The following ZC3H13 variants were observed in gnomAD, a reference collection of about 807,000 sequenced individuals.
ZC3H13 encodes the protein zinc finger CCCH-type containing 13, also known as zinc finger CCCH domain-containing protein 13.
ZC3H13 carries 64 observed loss-of-function variants against 204.1 expected under a neutral mutation model. The observed-to-expected ratio is 0.31, with a 90% CI of 0.26 to 0.39. The LOEUF (loss-of-function observed/expected upper bound fraction) is 0.39. ZC3H13 is among the 10% of genes least tolerant of loss of function. The probability of loss-of-function intolerance (pLI) is 1.00; values close to 1 mark genes in which losing one functional copy is unlikely to be tolerated. For synonymous variants in ZC3H13, 667 were observed against 693.7 expected, an observed-to-expected ratio of 0.96 and a Z score of 0.60; for missense variants, 1,833 against 2,082.7, an observed-to-expected ratio of 0.88 and a Z score of 2.33.
rs1311273130 is a variant in ZC3H13 at position 45,959,637 on chromosome 13, T to C, written c.4685A>G (p.Asn1562Ser). Residue 1562 changes from asparagine to serine, a missense_variant, in exon 18 of 19, where the codon AAT (asparagine) becomes AGT (serine). Physicochemically the swap from Asn to Ser is conservative, Grantham distance 46. Coordinates refer to ENST00000679008, the MANE Select transcript of ZC3H13 (RefSeq NM_001330564.2). ...RLLEKPKDAD[N>S]LFEHELGALN... The stretch of plus-strand genomic sequence containing the variant: ...AGCCCCCAATTCATGTTCAAAGAGA[T>C]TGTCTGCATCTTTCAAAAAAAAGTA... 3 of 1,525,092 alleles carry C rather than the reference T, an allele frequency of 2.0e-6. No individual in the cohort carries two copies. The highest frequency in any genetic ancestry group is 2.6e-6 in the Non-Finnish European group (3 of 1,137,224). The allele number at this position is 1,525,092 out of a possible 1,614,324, so 94.5% of individuals were successfully genotyped here.
chr13:46,009,678 A>T (rs553274339), intron 7 of ZC3H13, among the ~76,000 whole-genome samples: 22 of 152,242 alleles, frequency 1.4e-4, no homozygotes, highest in Non-Finnish European at 2.1e-4. Flanking sequence ...GAGTGACCTT[A>T]AATGAAAATG....
intron 16 of ZC3H13, among the ~76,000 whole-genome samples, chr13:45,964,405 T>A (rs964638112): frequency 3.9e-5 from 6 of 152,218 alleles, no homozygotes; most frequent in Non-Finnish European, 5.9e-5. Context: ...AGTACATGTG[T>A]TTGCAGTGTG....
chr13:46,009,768 G>A (rs1447841881), intron 7 of ZC3H13, among the ~76,000 whole-genome samples: 2 of 151,918 alleles, frequency 1.3e-5, no homozygotes, highest in African/African-American at 2.4e-5. Context: ...GTAATTCTAA[G>A]TTATAAAGAA....
At chr13:46,007,255 G>A (rs1046541855) in intron 7 of ZC3H13, among the ~76,000 whole-genome samples, 2 of 152,172 alleles carry the variant, frequency 1.3e-5, no homozygotes, top group African/African-American at 2.4e-5. Context: ...CCAAAGGAAC[G>A]TGAGTGGAAA....
intron 5 of ZC3H13, among the ~76,000 whole-genome samples, chr13:46,015,899 T>C (rs1308598753): frequency 1.3e-5 from 2 of 151,514 alleles, no homozygotes; most frequent in African/African-American, 4.9e-5. Context: ...AAAAATCTCA[T>C]ATCCAGAAAA....
Position 46,000,605 on chromosome 13 carries a change from C to T in ZC3H13, c.944+2534G>A, listed in dbSNP as rs566934124. Among the ~76,000 whole-genome samples the T allele has an allele frequency of 1.5e-3, 221 of 152,328 alleles. 3 individuals carry two copies. The South Asian group carries it at 0.044, about 30-fold the overall frequency. ...ATGTTGTGGCTGATTTCAACTGTGG[C>T]TGCTTTGATCTTTTATCCAGCCCAC... On this transcript the variant is annotated intron_variant, in intron 8 of 18. Coordinates refer to ENST00000679008, the MANE Select transcript of ZC3H13 (RefSeq NM_001330564.2).
rs1190015296 is a variant in ZC3H13, at chr13:46,040,673, A to T, written c.339+1491T>A. 3.9e-5 allele frequency among the ~76,000 whole-genome samples: 6 copies of T among 152,308 alleles called. No homozygotes were observed. In the South Asian group the frequency reaches 1.2e-3, roughly 32 times the overall value. On this transcript the variant is annotated intron_variant, in intron 4 of 18. Transcript: ENST00000679008. ...CATCAAGAATGTGATGATAACACACAGAATGGGAGAAAAGATCTGCAAGTT... is the reference window on the plus strand; with the variant it reads ...CATCAAGAATGTGATGATAACACACTGAATGGGAGAAAAGATCTGCAAGTT...
chr13:46,019,990 A>C (rs546804070), intron 5 of ZC3H13, among the ~76,000 whole-genome samples: 2 of 152,312 alleles, frequency 1.3e-5, no homozygotes, highest in South Asian at 4.1e-4. Context: ...ATTTTTTATT[A>C]ATAAATCCAG....
At chr13:46,029,595 A>AT (rs1222612299) in intron 4 of ZC3H13, among the ~76,000 whole-genome samples, 1 of 151,412 alleles carries the variant, frequency 6.6e-6, no homozygotes, top group Non-Finnish European at 1.5e-5. Flanking sequence ...CGCCCGGCTA[A>AT]TTTTTTGTAT....
chr13:46,008,183 CACT>C (rs1190463897), intron 7 of ZC3H13, among the ~76,000 whole-genome samples: 1 of 151,124 alleles, frequency 6.6e-6, no homozygotes, highest in East Asian at 1.9e-4. Context: ...TAAAATACTC[CACT>C]GAGTTTTAAC....
At chr13:45,970,486 C>A in intron 12 of ZC3H13, 21 bp from the exon 13 acceptor site, 1 of 1,601,244 alleles carries the variant, frequency 6.2e-7, no homozygotes, top group Non-Finnish European at 8.5e-7. Flanking sequence ...CAAGCAAACA[C>A]AATTTATAAA....
chr13:46,038,859 G>C (rs1004327204), intron 4 of ZC3H13, among the ~76,000 whole-genome samples: 2 of 152,008 alleles, frequency 1.3e-5, no homozygotes, highest in Non-Finnish European at 1.5e-5. Flanking sequence ...CATTTCTACT[G>C]AAGATACAAA....
intron 4 of ZC3H13, among the ~76,000 whole-genome samples, chr13:46,028,358 T>A (rs1261444406): frequency 6.6e-6 from 1 of 152,062 alleles, no homozygotes; most frequent in Non-Finnish European, 1.5e-5. Flanking sequence ...CAAAGAGAAA[T>A]TCACTCTTAT....
At chr13:45,959,768 T>C in intron 17 of ZC3H13, 122 bp from the exon 18 acceptor site, 1 of 1,145,186 alleles carries the variant, frequency 8.7e-7, no homozygotes, top group Non-Finnish European at 1.2e-6. Context: ...GTGAAAATTA[T>C]TTCACATTAA....
At chr13:46,024,911 A>C (rs1004930004) in intron 4 of ZC3H13, among the ~76,000 whole-genome samples, 1 of 152,158 alleles carries the variant, frequency 6.6e-6, no homozygotes, top group Non-Finnish European at 1.5e-5. Flanking sequence ...AGTGCAATTA[A>C]CTTTCTATGC....
At position 45,969,342 on chromosome 13, in the gene ZC3H13, A is replaced by T; in HGVS notation, c.3202T>A (p.Ser1068Thr). The change falls in exon 14 of 19, where the codon TCT becomes ACT. Residue 1068 changes from serine (S) to threonine (T), a missense_variant. This residue lies in a region of ZC3H13 where 1,574 missense variants were observed against 1,757.2 expected (regional missense o/e 0.90). Coordinates refer to ENST00000679008, the MANE Select transcript of ZC3H13 (RefSeq NM_001330564.2). ...GTACGGTCAGGGACATCCTCATCAG[A>T]CCAGTCACTGAATGCTGTATCTTCT... ...KKEDTAFSDW[S>T]DEDVPDRTEV... 1 of 1,613,962 alleles carries T rather than the reference A, an allele frequency of 6.2e-7. No individual in the cohort carries two copies. The highest frequency in any genetic ancestry group is 8.5e-7 in the Non-Finnish European group (1 of 1,179,988).
In ZC3H13 at chr13:45,957,135, C is replaced by T. The variant is rs764757266; in HGVS notation, c.5002G>A (p.Val1668Met). Reference sequence around the variant, plus strand: ...CATATTGAACTTCGGTCTTAAGACACACACAGTTCCTGTTGGATACTGGAC... The same window carrying T: ...CATATTGAACTTCGGTCTTAAGACATACACAGTTCCTGTTGGATACTGGAC... ...SQSSIQQELC[V>M]S The change falls in exon 19 of 19, where the codon GTG (valine) becomes ATG (methionine). Residue 1668 changes from valine to methionine, a missense_variant. By Grantham distance (21) the Val-to-Met change is conservative. Coordinates refer to ENST00000679008, the MANE Select transcript of ZC3H13 (RefSeq NM_001330564.2). The T allele has an allele frequency of 1.3e-6, 2 of 1,524,610 alleles. No individual in the cohort carries two copies. Among genetic ancestry groups the T allele is most frequent in the Non-Finnish European group, 1.8e-6 (2 of 1,132,012 alleles). 94.4% of individuals were successfully genotyped at this position (1,524,610 alleles called of 1,614,324 possible).
chr13:45,965,507 AG>A (rs749176339), intron 15 of ZC3H13, 75 bp from the exon 16 acceptor site: 5 of 1,492,162 alleles, frequency 3.4e-6, no homozygotes, highest in Non-Finnish European at 4.6e-6. Flanking sequence ...CAAAAGGTAG[AG>A]GGTACACACA....
Position 45,989,468 on chromosome 13 carries a change from T to C in ZC3H13, c.945-371A>G, listed in dbSNP as rs541643031. Among the ~76,000 whole-genome samples, 26 of 152,266 alleles carry C rather than the reference T, an allele frequency of 1.7e-4. 1 individual carries two copies. The highest frequency in any genetic ancestry group is 2.8e-4 in the Non-Finnish European group (19 of 68,016). ...AAAACCCACAAACTATGGCAAAACATACTACTGAGATCTAGAGAGAAAGTG... is the reference window on the plus strand; with the variant it reads ...AAAACCCACAAACTATGGCAAAACACACTACTGAGATCTAGAGAGAAAGTG... On this transcript the variant is annotated intron_variant, in intron 8 of 18. Transcript: ENST00000679008.
Sources: gnomAD v4.1 joint callset for allele counts (sites outside exome capture counted in the v4.1 genomes callset) on GRCh38, gnomAD v4.1.1 for gene constraint, gnomAD v4.1.1 regional missense constraint, MANE v1.5 for transcripts, NCBI Gene and HGNC (gene_info 2026-07-23, HGNC 2026-07-21) for gene names.